The following RGS6 variants were observed in gnomAD, a reference collection of about 807,000 sequenced individuals.
RGS6 encodes regulator of G protein signaling 6.
A neutral mutation model predicts 78.5 loss-of-function variants in RGS6; 30 were observed. The observed-to-expected ratio is 0.38, with a 90% CI of 0.29 to 0.52. The LOEUF is 0.52. Among genes scored for constraint, RGS6 ranks in the 20% least tolerant of loss-of-function variants. RGS6 has a pLI of 0.85. For synonymous variants in RGS6, 206 were observed against 206.0 expected, an observed-to-expected ratio of 1.00 and a Z score of 0.00; for missense variants, 495 against 609.7, an observed-to-expected ratio of 0.81 and a Z score of 1.98.
At chr14:72,296,912 T>C (rs1274353347) in intron 2 of RGS6, among the ~76,000 whole-genome samples, 3 of 152,216 alleles carry the variant, frequency 2.0e-5, no homozygotes, top group South Asian at 2.1e-4. Flanking sequence ...TTTTAAGTTA[T>C]ACATTTATGT....
the RGS6 span, among the ~76,000 whole-genome samples, chr14:72,571,797 G>T: frequency 1.3e-5 from 2 of 151,574 alleles, no homozygotes; most frequent in East Asian, 3.9e-4. Context: ...AACAACAAAA[G>T]AAAAAAATAG....
intron 2 of RGS6, among the ~76,000 whole-genome samples, chr14:72,159,996 C>T (rs544303564): frequency 1.2e-4 from 18 of 152,180 alleles, no homozygotes; most frequent in Non-Finnish European, 2.2e-4. Flanking sequence ...TAATAAATTA[C>T]AGTTCTTTAC....
chr14:72,348,412 A>G (rs1390075676), intron 2 of RGS6, among the ~76,000 whole-genome samples: 1 of 152,248 alleles, frequency 6.6e-6, no homozygotes, highest in Non-Finnish European at 1.5e-5. Context: ...TACTTAGGGC[A>G]GTATTGATCA....
intron 2 of RGS6, among the ~76,000 whole-genome samples, chr14:72,170,632 G>A (rs775947019): frequency 6.6e-6 from 1 of 152,172 alleles, no homozygotes; most frequent in Non-Finnish European, 1.5e-5. Context: ...ATTGATTTCT[G>A]TAGCTTATTT....
chr14:72,369,419 A>T (rs113825493), intron 3 of RGS6, among the ~76,000 whole-genome samples: 1 of 152,206 alleles, frequency 6.6e-6, no homozygotes, highest in Non-Finnish European at 1.5e-5. Context: ...TGGCCTCCAG[A>T]ACTGTGAGAT....
chr14:72,006,344 T>C (rs1156373837), intron 2 of RGS6, among the ~76,000 whole-genome samples: 4 of 152,240 alleles, frequency 2.6e-5, no homozygotes, highest in African/African-American at 4.8e-5. Context: ...CAACAGTCCC[T>C]ACCTCCTCAT....
intron 1 of RGS6, among the ~76,000 whole-genome samples, chr14:71,956,259 T>C (rs990703428): frequency 2.0e-5 from 3 of 151,974 alleles, no homozygotes; most frequent in South Asian, 2.1e-4. Flanking sequence ...TCCATCAGTG[T>C]TGGAATTTGG....
At chr14:72,555,983 A>G (rs1023969297) in intron 17 of RGS6, among the ~76,000 whole-genome samples, 2 of 152,236 alleles carry the variant, frequency 1.3e-5, no homozygotes, top group African/African-American at 2.4e-5. Context: ...GAGAGGGTCC[A>G]TGAGCTACCC....
chr14:72,528,611 T>C (rs1246215273), intron 15 of RGS6, among the ~76,000 whole-genome samples: 1 of 151,962 alleles, frequency 6.6e-6, no homozygotes, highest in East Asian at 1.9e-4. Flanking sequence ...TCATCTCTGT[T>C]GTAGAAAGAG....
At chr14:71,954,380 C>T (rs1162086696) in intron 1 of RGS6, among the ~76,000 whole-genome samples, 2 of 151,742 alleles carry the variant, frequency 1.3e-5, no homozygotes, top group African/African-American at 4.8e-5. Context: ...TTCTCTCTCT[C>T]TTTTTAGTTT....
the RGS6 span, among the ~76,000 whole-genome samples, chr14:72,581,194 G>T: frequency 1.5e-4 from 23 of 152,212 alleles, 1 homozygote; most frequent in East Asian, 3.5e-3. Flanking sequence ...TAGTGGATCT[G>T]GGCCTTCTTC....
chr14:72,127,521 A>C (rs891502025), intron 2 of RGS6, among the ~76,000 whole-genome samples: 1 of 152,152 alleles, frequency 6.6e-6, no homozygotes, highest in African/African-American at 2.4e-5. Flanking sequence ...AGAACACGTT[A>C]CTGATTTAAA....
intron 2 of RGS6, among the ~76,000 whole-genome samples, chr14:72,007,428 T>A (rs1725875147): frequency 6.6e-6 from 1 of 152,192 alleles, no homozygotes; most frequent in Non-Finnish European, 1.5e-5. Context: ...CAGAATACTG[T>A]TTAGTCAGAA....
At chr14:72,426,427 T>C (rs2094437123) in intron 3 of RGS6, among the ~76,000 whole-genome samples, 1 of 152,210 alleles carries the variant, frequency 6.6e-6, no homozygotes, top group Admixed American at 6.5e-5. Context: ...TGCAAAGGTG[T>C]AGAGCAAACT....
rs1475107967 is a variant in RGS6 at position 72,280,533 on chromosome 14, C to T, written c.85-71562C>T. On this transcript the variant is annotated intron_variant, in intron 2 of 17. Coordinates refer to ENST00000553525, the MANE Select transcript of RGS6 (RefSeq NM_001204424.2). ...ACAGAACAATTGTGAAAAACAACGG[C>T]TAATGTAGTTACTCAACAAATGTAG... 3.3e-5 allele frequency among the ~76,000 whole-genome samples: 5 copies of T among 152,182 alleles called. 1 individual carries two copies. In the East Asian group the frequency reaches 7.7e-4, roughly 23 times the overall value.
chr14:71,984,344 A>G (rs1309452138), intron 2 of RGS6, among the ~76,000 whole-genome samples: 2 of 150,076 alleles, frequency 1.3e-5, no homozygotes, highest in Non-Finnish European at 3.0e-5. Flanking sequence ...GAAATTAACC[A>G]TAAGAGAGTT....
At position 72,372,956 on chromosome 14, in the gene RGS6, G is replaced by T. The variant is rs563182358; in HGVS notation, c.184+20762G>T. ...CAGCCCACACCAAAAGGCAAATAGGGCCCATATTGTAGTGTGATGCTTAAG... is the reference window on the plus strand; with the variant it reads ...CAGCCCACACCAAAAGGCAAATAGGTCCCATATTGTAGTGTGATGCTTAAG... On this transcript the variant is annotated intron_variant, in intron 3 of 17. Transcript: ENST00000553525. Among the ~76,000 whole-genome samples, 11 of 152,270 alleles carry T rather than the reference G, an allele frequency of 7.2e-5. No individual in the cohort carries two copies. The East Asian group carries it at 2.1e-3, about 29-fold the overall frequency.
the RGS6 span, among the ~76,000 whole-genome samples, chr14:71,895,835 C>A: frequency 2.6e-5 from 4 of 152,150 alleles, no homozygotes; most frequent in African/African-American, 9.7e-5. Context: ...GCGCTCCCTG[C>A]CAGGAGCTGA....
chr14:72,416,754 A>G (rs1333841487), intron 3 of RGS6, among the ~76,000 whole-genome samples: 2 of 152,214 alleles, frequency 1.3e-5, no homozygotes, highest in African/African-American at 4.8e-5. Context: ...TGAGCTCTCT[A>G]AAGAGTGTGG....
Sources: allele counts gnomAD v4.1 joint callset (sites outside exome capture counted in the v4.1 genomes callset), GRCh38; gene constraint gnomAD v4.1.1; transcripts MANE v1.5; gene names NCBI Gene and HGNC (gene_info 2026-07-23, HGNC 2026-07-21).